Variants in ATP8A1 observed in about 807,000 individuals in gnomAD.
ATP8A1 encodes the protein phospholipid-transporting ATPase IA.
A neutral mutation model predicts 177.7 loss-of-function variants in ATP8A1; 90 were observed. That is an observed-to-expected ratio of 0.51 (90% CI 0.43 to 0.60). The LOEUF is 0.60. Among genes scored for constraint, ATP8A1 ranks in the 20% least tolerant of loss-of-function variants. The pLI is 0.00. For missense variants in ATP8A1, 1,072 were observed against 1,392.8 expected (o/e 0.77, Z 3.67); for synonymous variants, 493 against 485.9 (o/e 1.01, Z -0.19).
chr4:42,419,118 T>C (rs1321241683), intron 35 of ATP8A1, among the ~76,000 whole-genome samples: 1 of 152,264 alleles, frequency 6.6e-6, no homozygotes, highest in Non-Finnish European at 1.5e-5. Flanking sequence ...TATGTTTTTA[T>C]GAATCAGATT....
At chr4:42,598,932 T>G (rs1234752009) in intron 6 of ATP8A1, among the ~76,000 whole-genome samples, 1 of 152,180 alleles carries the variant, frequency 6.6e-6, no homozygotes, top group Non-Finnish European at 1.5e-5. Flanking sequence ...CTTTAAATTC[T>G]GTCCTTCTTT....
intron 33 of ATP8A1, among the ~76,000 whole-genome samples, chr4:42,432,871 GA>G (rs1401474835): frequency 6.6e-6 from 1 of 151,968 alleles, no homozygotes; most frequent in Non-Finnish European, 1.5e-5. Flanking sequence ...CATTTTAGCT[GA>G]AAAAAATTCT....
intron 1 of ATP8A1, among the ~76,000 whole-genome samples, chr4:42,646,309 C>G (rs1486407027): frequency 6.6e-6 from 1 of 152,140 alleles, no homozygotes; most frequent in African/African-American, 2.4e-5. Flanking sequence ...GACAGGCACT[C>G]AGGGTCAGGG....
intron 35 of ATP8A1, among the ~76,000 whole-genome samples, chr4:42,417,605 G>C (rs73235559): frequency 0.19 from 29,227 of 152,158 alleles, 3,127 homozygotes; most frequent in South Asian, 0.3. Flanking sequence ...AAAAATGTCA[G>C]TGTTGGTAAA....
chr4:42,563,119 A>AAC (rs751262004), intron 15 of ATP8A1, among the ~76,000 whole-genome samples: 7 of 152,212 alleles, frequency 4.6e-5, no homozygotes, highest in Non-Finnish European at 4.4e-5. Context: ...GAAAGTTTGG[A>AAC]ACTTCCTAGA....
At position 42,422,809 on chromosome 4, in the gene ATP8A1, T is replaced by A; in HGVS notation, c.3303A>T (p.Lys1101Asn). 6.2e-7 allele frequency: 1 copy of A among 1,611,378 alleles called. No homozygotes were observed. Among genetic ancestry groups the A allele is most frequent in the Non-Finnish European group, 8.5e-7 (1 of 1,178,660 alleles). Reference sequence around the variant, plus strand: ...AATATATTCACTGTGTATTTTACCTTTTTCCAAGTACAACTGCTCCTGGGT... The same window carrying A: ...AATATATTCACTGTGTATTTTACCTATTTCCAAGTACAACTGCTCCTGGGT... ...SQDPGAVVLGKSLTERAQLLK... is the reference protein window; with the variant it reads ...SQDPGAVVLGNSLTERAQLLK... Residue 1101 changes from lysine to asparagine, a missense_variant and splice_region_variant, in exon 35 of 37, where the codon AAA becomes AAT. This residue lies in a region of ATP8A1 where 316 missense variants were observed against 459.1 expected (regional missense o/e 0.69). Transcript: ENST00000381668.
At chr4:42,476,341 A>C (rs1342981952) in intron 25 of ATP8A1, among the ~76,000 whole-genome samples, 2 of 152,052 alleles carry the variant, frequency 1.3e-5, no homozygotes, top group East Asian at 3.9e-4. Context: ...GGCGGGGTGC[A>C]GTGGGTCATG....
chr4:42,593,678 C>A (rs1734424165), intron 6 of ATP8A1, among the ~76,000 whole-genome samples: 1 of 151,830 alleles, frequency 6.6e-6, no homozygotes, highest in Non-Finnish European at 1.5e-5. Context: ...GTTTTTAAAC[C>A]TAAAACCATT....
chr4:42,436,345 G>A (rs992486029), intron 33 of ATP8A1, among the ~76,000 whole-genome samples: 6 of 152,214 alleles, frequency 3.9e-5, no homozygotes, highest in Non-Finnish European at 7.3e-5. Flanking sequence ...GTATATTGCA[G>A]GCAAAGGTGC....
intron 25 of ATP8A1, among the ~76,000 whole-genome samples, chr4:42,484,433 C>T (rs561131949): frequency 6.6e-6 from 1 of 151,934 alleles, no homozygotes; most frequent in East Asian, 1.9e-4. Context: ...ATTTTATAGG[C>T]TAAAATGATG....
intron 35 of ATP8A1, among the ~76,000 whole-genome samples, chr4:42,420,076 G>T (rs2153167025): frequency 6.6e-6 from 1 of 152,030 alleles, no homozygotes; most frequent in African/African-American, 2.4e-5. Context: ...CATTCTCCAA[G>T]ATTCCTAAAA....
Position 42,574,749 on chromosome 4 carries a change from T to G in ATP8A1, c.1207-42A>C, listed in dbSNP as rs373972928. 6 of 1,392,682 alleles carry G rather than the reference T, an allele frequency of 4.3e-6. No homozygotes were observed. The African/African-American group carries it at 7.3e-5, about 17-fold the overall frequency. The allele number at this position is 1,392,682 out of a possible 1,614,324, so 86.3% of individuals were successfully genotyped here. On this transcript the variant is annotated intron_variant, in intron 13 of 36. Coordinates refer to ENST00000381668, the MANE Select transcript of ATP8A1 (RefSeq NM_006095.2). Reference sequence around the variant, plus strand: ...TTTCTCATTAATATTTTGAAAGTCTTTATGCCACTCTTTTACAGAGAAACC... The same window carrying G: ...TTTCTCATTAATATTTTGAAAGTCTGTATGCCACTCTTTTACAGAGAAACC...
rs1731655836 is a variant in ATP8A1 at position 42,569,156 on chromosome 4, C to G, written c.1340+5G>C. On this transcript the variant is annotated splice_donor_5th_base_variant and intron_variant, in intron 15 of 36. Transcript: ENST00000381668. ...CAATGAGGCAGAAAGTTCCATAGAG[C>G]TTACCATTCATCAGGAGAGCAGCCA... The G allele has an allele frequency of 6.2e-7, 1 of 1,601,394 alleles. No individual in the cohort carries two copies.
In ATP8A1 at chr4:42,636,365, C is replaced by T. The variant is rs116405683; in HGVS notation, c.50-9256G>A. Among the ~76,000 whole-genome samples, 194 of 151,634 alleles carry T rather than the reference C, an allele frequency of 1.3e-3. 1 individual carries two copies. Among genetic ancestry groups the T allele is most frequent in the African/African-American group, 4.2e-3 (174 of 41,306 alleles). On this transcript the variant is annotated intron_variant, in intron 1 of 36. Coordinates refer to ENST00000381668, the MANE Select transcript of ATP8A1 (RefSeq NM_006095.2). ...GAGCAGAACAGTCACTTCAAATGTTCGATTGTGAGCCTGACAGCAGCTGTT... is the reference window on the plus strand; with the variant it reads ...GAGCAGAACAGTCACTTCAAATGTTTGATTGTGAGCCTGACAGCAGCTGTT...
At chr4:42,564,296 C>T (rs983667889) in intron 15 of ATP8A1, among the ~76,000 whole-genome samples, 18 of 152,098 alleles carry the variant, frequency 1.2e-4, no homozygotes. Context: ...GAGCAGAGGG[C>T]CACCATCCTC....
intron 22 of ATP8A1, among the ~76,000 whole-genome samples, chr4:42,508,301 T>C (rs1048668801): frequency 6.6e-6 from 1 of 152,104 alleles, no homozygotes; most frequent in Non-Finnish European, 1.5e-5. Context: ...CTGGGCTAAT[T>C]TGCGTATAAG....
chr4:42,494,453 C>T (rs187675950), intron 24 of ATP8A1, among the ~76,000 whole-genome samples: 3 of 152,266 alleles, frequency 2.0e-5, no homozygotes, highest in Admixed American at 6.5e-5. Flanking sequence ...CCAGACTGGG[C>T]GACAGAGTGA....
At chr4:42,599,523 T>C (rs767680925) in intron 6 of ATP8A1, among the ~76,000 whole-genome samples, 43 of 152,186 alleles carry the variant, frequency 2.8e-4, no homozygotes, top group Non-Finnish European at 5.3e-4. Flanking sequence ...AAAGAGGAGA[T>C]GTCAGTCTCT....
chr4:42,581,591 T>TC, intron 10 of ATP8A1, 30 bp downstream of exon 10: 3 of 1,511,392 alleles, frequency 2.0e-6, no homozygotes, highest in Non-Finnish European at 2.8e-6. Context: ...AAGCCTTAGG[T>TC]CCAAAAGGTT....
Sources: gnomAD v4.1 joint callset for allele counts (sites outside exome capture counted in the v4.1 genomes callset) on GRCh38, gnomAD v4.1.1 for gene constraint, gnomAD v4.1.1 regional missense constraint, MANE v1.5 for transcripts, NCBI Gene and HGNC (gene_info 2026-07-23, HGNC 2026-07-21) for gene names.